ASAP2: variants seen among roughly 807,000 people sequenced by gnomAD.
ASAP2 encodes ArfGAP with SH3 domain, ankyrin repeat and PH domain 2.
A neutral mutation model predicts 131.4 loss-of-function variants in ASAP2; 45 were observed. The observed-to-expected ratio is 0.34, with a 90% CI of 0.27 to 0.44. The LOEUF (loss-of-function observed/expected upper bound fraction) is 0.44, where lower values mean the gene tolerates loss of function less well. Among genes scored for constraint, ASAP2 ranks in the 20% least tolerant of loss-of-function variants. The probability of loss-of-function intolerance (pLI) is 1.00; values close to 1 mark genes in which losing one functional copy is unlikely to be tolerated. For synonymous variants in ASAP2, 510 were observed against 503.0 expected, an observed-to-expected ratio of 1.01 and a Z score of -0.19; for missense variants, 1,011 against 1,297.0, an observed-to-expected ratio of 0.78 and a Z score of 3.39.
intron 1 of ASAP2, among the ~76,000 whole-genome samples, chr2:9,210,540 C>T (rs951142911): frequency 4.0e-5 from 6 of 151,570 alleles, no homozygotes; most frequent in East Asian, 1.9e-4. Flanking sequence ...GAAACACTAC[C>T]GTGTATCTGT....
chr2:9,214,386 A>G (rs576198422), intron 1 of ASAP2, among the ~76,000 whole-genome samples: 1 of 151,892 alleles, frequency 6.6e-6, no homozygotes, highest in African/African-American at 2.4e-5. Context: ...ATTACAGGTG[A>G]CTGCCACCAT....
intron 4 of ASAP2, 21 bp downstream of exon 4, chr2:9,318,619 C>T (rs1382582327): frequency 1.3e-6 from 2 of 1,573,638 alleles, no homozygotes; most frequent in Non-Finnish European, 1.7e-6. Context: ...GACACTGTGA[C>T]ACCAGGGGCA....
At chr2:9,333,419 A>G (rs967356847) in intron 7 of ASAP2, among the ~76,000 whole-genome samples, 1 of 152,230 alleles carries the variant, frequency 6.6e-6, no homozygotes, top group Admixed American at 6.5e-5. Context: ...GCTCTGAGAA[A>G]GTATAAGAAG....
intron 3 of ASAP2, among the ~76,000 whole-genome samples, chr2:9,310,794 A>T (rs969664536): frequency 1.3e-5 from 2 of 152,176 alleles, no homozygotes; most frequent in African/African-American, 4.8e-5. Flanking sequence ...CCCCCACCAA[A>T]AAATAAAAAA....
At chr2:9,307,254 TC>T (rs758690539) in intron 3 of ASAP2, among the ~76,000 whole-genome samples, 4 of 152,084 alleles carry the variant, frequency 2.6e-5, no homozygotes, top group African/African-American at 4.8e-5. Context: ...CATTTCCTGT[TC>T]CTAGTCACGC....
chr2:9,367,446 T>C (rs893761885), intron 15 of ASAP2, among the ~76,000 whole-genome samples: 3 of 152,162 alleles, frequency 2.0e-5, no homozygotes, highest in Non-Finnish European at 4.4e-5. Flanking sequence ...TCCCTTTTGG[T>C]ATTATTTCAT....
intron 16 of ASAP2, 145 bp from the exon 17 acceptor site, chr2:9,374,610 C>T (rs1276828298): frequency 9.8e-6 from 7 of 714,862 alleles, no homozygotes; most frequent in South Asian, 4.0e-5. Flanking sequence ...AACCACATGG[C>T]GGCCACTCCC....
chr2:9,261,801 C>T (rs991975079), intron 1 of ASAP2, among the ~76,000 whole-genome samples: 20 of 152,180 alleles, frequency 1.3e-4, no homozygotes, highest in Non-Finnish European at 2.9e-4. Context: ...CCTGGGGTTA[C>T]CTCAGTCAGG....
intron 27 of ASAP2, among the ~76,000 whole-genome samples, chr2:9,401,963 T>G (rs1336151170): frequency 6.6e-6 from 1 of 152,212 alleles, no homozygotes; most frequent in Non-Finnish European, 1.5e-5. Context: ...CAGGTGATCT[T>G]GTGAGCACCC....
At position 9,379,052 on chromosome 2, in the gene ASAP2, C is replaced by G; in HGVS notation, c.1941C>G (p.Ile647Met). 1 of 1,560,960 alleles carries G rather than the reference C, an allele frequency of 6.4e-7. No individual in the cohort carries two copies. Among genetic ancestry groups the G allele is most frequent in the Non-Finnish European group, 8.7e-7 (1 of 1,152,464 alleles). Residue 647 changes from isoleucine (I) to methionine (M), a missense_variant, in exon 19 of 28, where the codon ATC becomes ATG. Physicochemically the swap from Ile to Met is conservative, Grantham distance 10 (BLOSUM62 1). Transcript: ENST00000281419. ...LKLLLRGKAS[I>M]EIANESGETP... is the part of the protein sequence containing the mutation. ...TGCTCCTGCGGGGGAAGGCCTCCAT[C>G]GAGATAGGTGAGTGGGCCCGGGCCC...
In ASAP2 at chr2:9,281,137, A is replaced by T. The variant is rs373398768; in HGVS notation, c.199+1748A>T. Among the ~76,000 whole-genome samples, 4 of 146,788 alleles carry T rather than the reference A, an allele frequency of 2.7e-5. No homozygotes were observed. The East Asian group carries it at 8.0e-4, about 30-fold the overall frequency. On this transcript the variant is annotated intron_variant, in intron 2 of 27. Transcript: ENST00000281419. The surrounding 1 kb of genome is among the most constrained non-coding windows in gnomAD (Gnocchi z 4.0). The stretch of plus-strand genomic sequence containing the variant: ...CAGATTTCAAAAAGTATCTTGGAAG[A>T]TTTTTTTTTTTTTTACTGCGTTCAC...
intron 1 of ASAP2, among the ~76,000 whole-genome samples, chr2:9,263,725 G>A (rs550314679): frequency 7.0e-4 from 106 of 152,170 alleles, no homozygotes; most frequent in Non-Finnish European, 1.4e-3. Flanking sequence ...CATAGTGTGT[G>A]TGGGTTTAGA....
At chr2:9,305,914 T>A (rs1479159847) in intron 3 of ASAP2, among the ~76,000 whole-genome samples, 1 of 148,032 alleles carries the variant, frequency 6.8e-6, no homozygotes, top group Admixed American at 6.8e-5. Flanking sequence ...AGTAGTGGGG[T>A]ATAGATATTG....
intron 16 of ASAP2, 138 bp downstream of exon 16, chr2:9,368,657 T>C: frequency 1.4e-6 from 1 of 702,506 alleles, no homozygotes; most frequent in Non-Finnish European, 2.4e-6. Context: ...TGTTGGGTTT[T>C]CTTAGTCACT....
intron 1 of ASAP2, chr2:9,271,182 A>G (rs546158199): frequency 1.8e-6 from 1 of 559,396 alleles, no homozygotes; most frequent in East Asian, 2.7e-5. Context: ...AAATGGTTAC[A>G]TTATACAAGC....
chr2:9,245,977 A>G (rs566010679), intron 1 of ASAP2, among the ~76,000 whole-genome samples: 360 of 152,350 alleles, frequency 2.4e-3, no homozygotes, highest in African/African-American at 8.1e-3. Context: ...AAACAAGCAT[A>G]CGATGGGGAT....
chr2:9,373,440 G>A (rs74836872), intron 16 of ASAP2, among the ~76,000 whole-genome samples: 21 of 152,350 alleles, frequency 1.4e-4, no homozygotes, highest in African/African-American at 1.9e-4. Flanking sequence ...ACTCAGTTCC[G>A]TCTGGGTGCT....
chr2:9,380,590 G>A, intron 19 of ASAP2, 151 bp from the exon 20 acceptor site: 1 of 787,010 alleles, frequency 1.3e-6, no homozygotes, highest in Non-Finnish European at 2.3e-6. Context: ...GATACATTCA[G>A]CCTCGACTAG....
chr2:9,238,794 C>T (rs1156537028), intron 1 of ASAP2, among the ~76,000 whole-genome samples: 1 of 152,144 alleles, frequency 6.6e-6, no homozygotes, highest in African/African-American at 2.4e-5. Flanking sequence ...TGACCTAAAA[C>T]ACCCCGAAAG....
Sources: allele counts gnomAD v4.1 joint callset (sites outside exome capture counted in the v4.1 genomes callset), GRCh38; gene constraint gnomAD v4.1.1; non-coding constraint Gnocchi (gnomAD v3.1); transcripts MANE v1.5; gene names NCBI Gene and HGNC (gene_info 2026-07-23, HGNC 2026-07-21).